Variants in CACNA1B observed in about 807,000 individuals in gnomAD.
CACNA1B encodes calcium voltage-gated channel subunit alpha1 B, also known as voltage-dependent N-type calcium channel subunit alpha-1B.
Under a neutral mutation model 247.2 loss-of-function variants are expected in CACNA1B, and 70 were observed. The observed-to-expected ratio is 0.28, with a 90% confidence interval of 0.23 to 0.35. The LOEUF (loss-of-function observed/expected upper bound fraction) is 0.35, where lower values mean the gene tolerates loss of function less well. Ranked by LOEUF, CACNA1B falls within the 10% of genes least tolerant of loss-of-function variation. The pLI, the probability that CACNA1B is intolerant of heterozygous loss-of-function variation, is 1.00. For synonymous variants in CACNA1B, 1,231 were observed against 1,294.4 expected, an observed-to-expected ratio of 0.95 and a Z score of 1.05; for missense variants, 2,367 against 3,197.4, an observed-to-expected ratio of 0.74 and a Z score of 6.26.
intron 37 of CACNA1B, among the ~76,000 whole-genome samples, chr9:138,101,416 G>A (rs966261398): frequency 1.3e-5 from 2 of 152,248 alleles, no homozygotes; most frequent in Admixed American, 6.5e-5. Flanking sequence ...TGCACAGAAA[G>A]CTTTCTGGTT....
chr9:138,048,155 T>TG (rs1959198799), intron 23 of CACNA1B, among the ~76,000 whole-genome samples: 1 of 152,198 alleles, frequency 6.6e-6, no homozygotes, highest in Non-Finnish European at 1.5e-5. Context: ...ATTTCACTCT[T>TG]GCAAAATTCT....
chr9:137,960,069 G>A (rs904566774), intron 10 of CACNA1B, among the ~76,000 whole-genome samples: 12 of 150,694 alleles, frequency 8.0e-5, no homozygotes, highest in African/African-American at 2.9e-4. Context: ...GGGGAGAGGG[G>A]AGGTTGGCCT....
chr9:138,077,128 T>TCA (rs961379787), intron 35 of CACNA1B, among the ~76,000 whole-genome samples: 5 of 152,182 alleles, frequency 3.3e-5, no homozygotes, highest in South Asian at 2.1e-4. Flanking sequence ...CCCTTATCAG[T>TCA]CAGGCCCAGC....
Position 137,917,106 on chromosome 9 carries a change from A to C in CACNA1B, c.776-135A>C. ...GCAGATTCGAGGAGGGATGGTGGGA[A>C]GTTGAGGGAGAGTTTCTGTTGGTGG... On this transcript the variant is annotated intron_variant, in intron 5 of 46. Transcript: ENST00000371372. The surrounding 1 kb of genome is among the most constrained non-coding windows in gnomAD (Gnocchi z 5.5). The C allele has an allele frequency of 1.4e-6, 1 of 708,946 alleles. No homozygotes were observed. The highest frequency in any genetic ancestry group is 1.8e-5 in the African/African-American group (1 of 55,738). The allele number at this position is 708,946 out of a possible 1,614,324, so 43.9% of individuals were successfully genotyped here. A position where few individuals can be genotyped will look rare whatever the true frequency, so the allele number is the denominator to read the frequency against.
chr9:137,893,068 A>G (rs1469823409), intron 3 of CACNA1B, among the ~76,000 whole-genome samples: 1 of 152,124 alleles, frequency 6.6e-6, no homozygotes, highest in East Asian at 1.9e-4. Context: ...CAGGAGGGCA[A>G]AGGCCCCCCA....
intron 20 of CACNA1B, among the ~76,000 whole-genome samples, chr9:138,031,759 C>G (rs1181542180): frequency 2.0e-5 from 3 of 152,142 alleles, no homozygotes; most frequent in Non-Finnish European, 4.4e-5. Flanking sequence ...TAACGTCCTT[C>G]TCTGTACCTG....
chr9:138,089,970 A>G (rs1960824019), intron 36 of CACNA1B, among the ~76,000 whole-genome samples: 1 of 152,228 alleles, frequency 6.6e-6, no homozygotes, highest in Non-Finnish European at 1.5e-5. Context: ...AAATAGAAAG[A>G]CATTTGATGC....
rs534472497 is a variant in CACNA1B at position 138,020,429 on chromosome 9, T to C, written c.2268-2582T>C. 1.3e-5 allele frequency among the ~76,000 whole-genome samples: 2 copies of C among 152,232 alleles called. No individual in the cohort carries two copies. Among genetic ancestry groups the C allele is most frequent in the East Asian group, 3.9e-4 (2 of 5,168 alleles). On this transcript the variant is annotated intron_variant, in intron 18 of 46. Coordinates refer to ENST00000371372, the MANE Select transcript of CACNA1B (RefSeq NM_000718.4). The surrounding 1 kb of genome is among the most constrained non-coding windows in gnomAD (Gnocchi z 4.1). ...AGCCACACTTCACTCTAAGTTGGTG[T>C]GGATATGTGCCAGATAGAGCAAGGA...
rs1376694018 is a variant in CACNA1B at position 138,013,252 on chromosome 9, T to G, written c.2267+17T>G. 10 of 1,552,946 alleles carry G rather than the reference T, an allele frequency of 6.4e-6. No individual in the cohort carries two copies. The highest frequency in any genetic ancestry group is 7.0e-6 in the Non-Finnish European group (8 of 1,148,682). On this transcript the variant is annotated intron_variant, in intron 18 of 46. Transcript: ENST00000371372. ...CATCGCCGCGTAAGGCTCCTAGGAG[T>G]GGATTGTGGGGTGGCAGTGGGGCTG...
At chr9:137,905,136 C>T (rs995360170) in intron 3 of CACNA1B, among the ~76,000 whole-genome samples, 2 of 151,976 alleles carry the variant, frequency 1.3e-5, no homozygotes, top group East Asian at 3.9e-4. Flanking sequence ...GGGTGGATCA[C>T]GAGGTCAGGA....
At chr9:137,969,189 C>A (rs926177448) in intron 10 of CACNA1B, among the ~76,000 whole-genome samples, 1 of 152,214 alleles carries the variant, frequency 6.6e-6, no homozygotes, top group Admixed American at 6.5e-5. Context: ...TCCCCCAGGG[C>A]GTCTGGATCA....
intron 35 of CACNA1B, among the ~76,000 whole-genome samples, 192 bp downstream of exon 35, chr9:138,076,102 C>T (rs1277988649): frequency 1.3e-5 from 2 of 152,212 alleles, no homozygotes; most frequent in African/African-American, 4.8e-5. Flanking sequence ...CTCTTGATAT[C>T]TGCCCCAGTC....
intron 32 of CACNA1B, among the ~76,000 whole-genome samples, chr9:138,070,159 C>T (rs191389862): frequency 3.0e-4 from 46 of 152,328 alleles, no homozygotes; most frequent in Admixed American, 2.5e-3. Flanking sequence ...GTTGCGCAGC[C>T]ATCTCCCACC....
At chr9:138,087,457 C>T (rs537953181) in intron 36 of CACNA1B, among the ~76,000 whole-genome samples, 30 of 148,708 alleles carry the variant, frequency 2.0e-4, no homozygotes, top group Middle Eastern at 3.4e-3. Context: ...TGGCTCACGC[C>T]TGTAGTCCCA....
chr9:137,933,785 A>G (rs2133308199), intron 6 of CACNA1B, among the ~76,000 whole-genome samples: 1 of 152,320 alleles, frequency 6.6e-6, no homozygotes, highest in Admixed American at 6.5e-5. Flanking sequence ...AAATACCCAG[A>G]ATCCACTAAT....
intron 18 of CACNA1B, among the ~76,000 whole-genome samples, chr9:138,021,215 G>A (rs1488407754): frequency 2.6e-5 from 4 of 152,174 alleles, no homozygotes; most frequent in African/African-American, 9.7e-5. Flanking sequence ...CTGGGAGCAG[G>A]GGCAGCACAG....
Position 138,021,462 on chromosome 9 carries a change from C to T in CACNA1B, c.2268-1549C>T, listed in dbSNP as rs187301552. 2.0e-5 allele frequency among the ~76,000 whole-genome samples: 3 copies of T among 152,352 alleles called. No homozygotes were observed. In the East Asian group the frequency reaches 5.8e-4, roughly 29 times the overall value. On this transcript the variant is annotated intron_variant, in intron 18 of 46. Transcript: ENST00000371372. ...TATTGTTCACCTGCCTGGGGTGGGC[C>T]GGCTGCAGGGACTGGGCTTTCCCAC...
chr9:138,023,880 C>A, intron 19 of CACNA1B, 69 bp downstream of exon 19: 1 of 791,336 alleles, frequency 1.3e-6, no homozygotes, highest in Non-Finnish European at 2.1e-6. Flanking sequence ...CCAGCGGTGG[C>A]TGCGGCCATG....
intron 42 of CACNA1B, 92 bp downstream of exon 42, chr9:138,115,771 G>C: frequency 5.9e-6 from 8 of 1,352,738 alleles, no homozygotes; most frequent in Non-Finnish European, 8.2e-6. Context: ...AACCTCCCTG[G>C]CCCTCACTTC....
Sources: allele counts gnomAD v4.1 joint callset (sites outside exome capture counted in the v4.1 genomes callset), GRCh38; gene constraint gnomAD v4.1.1; non-coding constraint Gnocchi (gnomAD v3.1); transcripts MANE v1.5; gene names NCBI Gene and HGNC (gene_info 2026-07-23, HGNC 2026-07-21).